The following NFILZ variants were observed in gnomAD, a reference collection of about 807,000 sequenced individuals.
NFILZ encodes NFIL3 like basic leucine zipper, also known as NFIL3 like protein.
chr19:8,656,430 AGCC>A (rs2146154338), intron 3 of NFILZ, among the ~76,000 whole-genome samples: 3 of 84,456 alleles, frequency 3.6e-5, no homozygotes, highest in Admixed American at 1.3e-4. Flanking sequence ...CTCTTTCCGC[AGCC>A]CACCTTCTCC....
intron 2 of NFILZ, among the ~76,000 whole-genome samples, chr19:8,633,746 G>T (rs782385027): frequency 2.6e-5 from 4 of 152,152 alleles, no homozygotes; most frequent in African/African-American, 9.7e-5. Flanking sequence ...CCTGCCTCCT[G>T]GTCAAGGGAG....
In NFILZ at chr19:8,659,093, A is replaced by G. The variant is rs1311467063; in HGVS notation, c.-163-15458A>G. Among the ~76,000 whole-genome samples the G allele has an allele frequency of 3.9e-5, 6 of 152,072 alleles. No homozygotes were observed. The East Asian group carries it at 9.7e-4, about 25-fold the overall frequency. ...AAACCCTGTCTCTACTAAAAATACA[A>G]AAAATTAGCCAGGTGTAGTGGTGTG... is the stretch of plus-strand genomic sequence containing the variant. On this transcript the variant is annotated intron_variant, in intron 3 of 5. Coordinates refer to ENST00000691075, the MANE Select transcript of NFILZ (RefSeq NM_001378600.1).
intron 3 of NFILZ, among the ~76,000 whole-genome samples, chr19:8,666,045 C>CTT (rs35290862): frequency 3.4e-5 from 5 of 146,520 alleles, no homozygotes; most frequent in African/African-American, 1.2e-4. Context: ...TTTTTCTCAC[C>CTT]TTTTTTTTTT....
chr19:8,663,722 T>TTGTGTGTGTGTGTG (rs879983007), intron 3 of NFILZ, among the ~76,000 whole-genome samples: 1 of 10,798 alleles, frequency 9.3e-5, no homozygotes, highest in African/African-American at 3.1e-4. Context: ...GTGTGTGTGT[T>TTGTGTGTGTGTGTG]TGTGTGTGTG....
At chr19:8,646,854 C>A (rs1339359508) in intron 3 of NFILZ, among the ~76,000 whole-genome samples, 4 of 152,156 alleles carry the variant, frequency 2.6e-5, no homozygotes, top group African/African-American at 7.2e-5. Flanking sequence ...AGAGAAGTGA[C>A]CCCTCACAGC....
chr19:8,649,849 T>A (rs1317727344), intron 3 of NFILZ, among the ~76,000 whole-genome samples: 2 of 151,756 alleles, frequency 1.3e-5, no homozygotes, highest in African/African-American at 2.4e-5. Context: ...GCGTGGTAGC[T>A]CACGCCTGTA....
chr19:8,675,088 C>T (rs782183650), intron 4 of NFILZ, among the ~76,000 whole-genome samples: 1 of 152,122 alleles, frequency 6.6e-6, no homozygotes, highest in Non-Finnish European at 1.5e-5. Context: ...TATTTACCAC[C>T]TGCTATTTAC....
chr19:8,636,167 C>T (rs1000484704), intron 3 of NFILZ, among the ~76,000 whole-genome samples: 3 of 151,522 alleles, frequency 2.0e-5, no homozygotes, highest in East Asian at 4.0e-4. Flanking sequence ...ATTTTATTTT[C>T]GGCTGGGCGC....
rs561349765 is a variant in NFILZ at position 8,678,413 on chromosome 19, C to A, written c.*778C>A. Among the ~76,000 whole-genome samples the A allele has an allele frequency of 2.6e-5, 4 of 151,920 alleles. No homozygotes were observed. The highest frequency in any genetic ancestry group is 9.7e-5 in the African/African-American group (4 of 41,438). On this transcript the variant is annotated 3_prime_UTR_variant, in exon 6 of 6. Transcript: ENST00000691075. ...TCATCCACCCATCCACCTATCTATGCATGCATCCATCCATCCTCATCCACT... is the reference window on the plus strand; with the variant it reads ...TCATCCACCCATCCACCTATCTATGAATGCATCCATCCATCCTCATCCACT...
chr19:8,636,097 A>G (rs554280508), intron 3 of NFILZ, among the ~76,000 whole-genome samples: 28 of 152,010 alleles, frequency 1.8e-4, no homozygotes, highest in Non-Finnish European at 3.4e-4. Context: ...TCATCCTCCC[A>G]AAGTACTGGT....
rs577628573 is a variant in NFILZ, at chr19:8,676,406, T to A, written c.-66T>A. Among the ~76,000 whole-genome samples, 1 of 152,314 alleles carries A rather than the reference T, an allele frequency of 6.6e-6. No individual in the cohort carries two copies. The highest frequency in any genetic ancestry group is 6.5e-5 in the Admixed American group (1 of 15,306). On this transcript the variant is annotated 5_prime_UTR_variant, in exon 5 of 6. Transcript: ENST00000691075. ...CTCTGGGTTTCCAAGAATCTTACCT[T>A]GGAACTCCAATTGAACTGAGCCCTG...
intron 3 of NFILZ, among the ~76,000 whole-genome samples, chr19:8,656,484 G>A (rs1231963483): frequency 1.4e-4 from 8 of 57,664 alleles, no homozygotes; most frequent in African/African-American, 4.5e-4. Flanking sequence ...TTCTCCCGCA[G>A]CCCACCTTCT....
intron 2 of NFILZ, among the ~76,000 whole-genome samples, chr19:8,634,864 CACAAACAAACAA>C (rs150599717): frequency 0.81 from 121,882 of 150,466 alleles, 49,826 homozygotes; most frequent in South Asian, 0.9. Context: ...AAGACCCTAT[CACAAACAAACAA>C]ACAAACAAAC....
At chr19:8,668,645 C>T (rs1186874776) in intron 3 of NFILZ, among the ~76,000 whole-genome samples, 3 of 152,134 alleles carry the variant, frequency 2.0e-5, no homozygotes, top group African/African-American at 4.8e-5. Context: ...TTGGTCTGGG[C>T]CTTCTGCACG....
rs2043140424 is a variant in NFILZ, at chr19:8,680,316, TTC to T, written c.*2682_*2683del. ...AACAGCATTTTCATTCATTCATTCA[TTC>T]ATTCATTCATTTTTTAATTCATTTG... On this transcript the variant is annotated 3_prime_UTR_variant, in exon 6 of 6. Coordinates refer to ENST00000691075, the MANE Select transcript of NFILZ (RefSeq NM_001378600.1). 6.6e-6 allele frequency among the ~76,000 whole-genome samples: 1 copy of T among 152,050 alleles called. No individual in the cohort carries two copies. The highest frequency in any genetic ancestry group is 2.4e-5 in the African/African-American group (1 of 41,402).
chr19:8,657,045 T>C (rs2043007374), intron 3 of NFILZ, among the ~76,000 whole-genome samples: 1 of 151,988 alleles, frequency 6.6e-6, no homozygotes, highest in Non-Finnish European at 1.5e-5. Flanking sequence ...TTCTGGGGGC[T>C]CTGCTGTTGA....
chr19:8,649,777 T>A (rs1173564072), intron 3 of NFILZ, among the ~76,000 whole-genome samples: 2 of 151,868 alleles, frequency 1.3e-5, no homozygotes, highest in African/African-American at 4.8e-5. Flanking sequence ...CATTCACATA[T>A]GCCCAGAATT....
rs140938615 is a variant in NFILZ at position 8,665,761 on chromosome 19, A to G, written c.-163-8790A>G. ...TATTGTTTTTAAGAAATCTTTGCCA[A>G]TTTCGGCAGGAAAAATTGGTATCTC... On this transcript the variant is annotated intron_variant, in intron 3 of 5. Coordinates refer to ENST00000691075, the MANE Select transcript of NFILZ (RefSeq NM_001378600.1). Among the ~76,000 whole-genome samples the G allele has an allele frequency of 4.2e-4, 64 of 152,354 alleles. 1 individual carries two copies. The highest frequency in any genetic ancestry group is 3.4e-3 in the Middle Eastern group (1 of 294).
intron 3 of NFILZ, among the ~76,000 whole-genome samples, chr19:8,663,732 G>GTGTGTGTGTGTGTGTGTA (rs1568423341): frequency 1.9e-5 from 2 of 102,832 alleles, no homozygotes; most frequent in African/African-American, 3.4e-5. Flanking sequence ...TTGTGTGTGT[G>GTGTGTGTGTGTGTGTGTA]TGTGTGTGTG....
Sources: gnomAD v4.1 joint callset for allele counts (sites outside exome capture counted in the v4.1 genomes callset) on GRCh38, gnomAD v4.1.1 for gene constraint, MANE v1.5 for transcripts, NCBI Gene and HGNC (gene_info 2026-07-23, HGNC 2026-07-21) for gene names.